Variants in PRKCI observed in about 807,000 individuals in gnomAD.
PRKCI encodes the protein protein kinase C iota.
In PRKCI, 43 loss-of-function variants were observed where a neutral mutation model predicts 84.0. The ratio of observed to expected loss-of-function variants is 0.51; its 90% CI spans 0.40 to 0.66. The LOEUF (loss-of-function observed/expected upper bound fraction) is 0.66, where lower values mean the gene tolerates loss of function less well. Ranked by LOEUF, PRKCI falls within the 30% of genes least tolerant of loss-of-function variation. The pLI, the probability that PRKCI is intolerant of heterozygous loss-of-function variation, is 0.00. For missense variants in PRKCI, 459 were observed against 745.6 expected, an observed-to-expected ratio of 0.62 and a Z score of 4.48; for synonymous variants, 216 against 234.4, an observed-to-expected ratio of 0.92 and a Z score of 0.72.
rs113857684 is a variant in PRKCI at position 170,222,446 on chromosome 3, C to T, written c.-224C>T. 4.4e-6 allele frequency: 2 copies of T among 451,522 alleles called. No homozygotes were observed. Among genetic ancestry groups the T allele is most frequent in the Non-Finnish European group, 7.7e-6 (2 of 259,870 alleles). 28.0% of individuals were successfully genotyped at this position (451,522 alleles called of 1,614,324 possible). On this transcript the variant is annotated 5_prime_UTR_variant, in exon 1 of 18. Transcript: ENST00000295797. ...ACCGACGCAGGAGGTGTCTTGGGCC[C>T]GGGCGGCTGTAGAGGCGGCGGCGCC...
chr3:170,287,855 G>A (rs1560183919), intron 12 of PRKCI, among the ~76,000 whole-genome samples: 2 of 147,598 alleles, frequency 1.4e-5, no homozygotes, highest in Admixed American at 6.8e-5. Flanking sequence ...GTTGCAGTGA[G>A]TGGAGATTGT....
intron 1 of PRKCI, among the ~76,000 whole-genome samples, chr3:170,223,253 TC>T (rs1560163019): frequency 6.6e-6 from 1 of 152,182 alleles, no homozygotes; most frequent in African/African-American, 2.4e-5. Context: ...TATACCTCCA[TC>T]CCCGTTGTGT....
At chr3:170,239,591 T>C (rs1181705458) in intron 2 of PRKCI, among the ~76,000 whole-genome samples, 1 of 152,190 alleles carries the variant, frequency 6.6e-6, no homozygotes, top group African/African-American at 2.4e-5. Context: ...CTTTGTATTA[T>C]CCTTGCCTGG....
intron 12 of PRKCI, 166 bp from the exon 13 acceptor site, chr3:170,291,688 C>G: frequency 7.1e-6 from 4 of 565,524 alleles, no homozygotes; most frequent in Non-Finnish European, 1.3e-5. Flanking sequence ...CAGAGCAAGA[C>G]CCTGTCAAAA....
intron 2 of PRKCI, among the ~76,000 whole-genome samples, chr3:170,252,882 C>T (rs912936709): frequency 6.6e-6 from 1 of 152,142 alleles, no homozygotes; most frequent in East Asian, 1.9e-4. Context: ...CACTATCGTT[C>T]CCAGCTTCTG....
chr3:170,232,079 T>G (rs1473730713), intron 1 of PRKCI, among the ~76,000 whole-genome samples: 3 of 152,044 alleles, frequency 2.0e-5, no homozygotes, highest in Non-Finnish European at 2.9e-5. Flanking sequence ...TGAGGCACAT[T>G]TCTACTCTGT....
chr3:170,234,900 TC>T (rs1033592565), intron 1 of PRKCI, among the ~76,000 whole-genome samples: 2 of 151,614 alleles, frequency 1.3e-5, no homozygotes, highest in Non-Finnish European at 2.9e-5. Flanking sequence ...CCTCCCATGT[TC>T]CCCCCCTGAG....
chr3:170,229,785 A>T (rs766540330), intron 1 of PRKCI, among the ~76,000 whole-genome samples: 4 of 152,168 alleles, frequency 2.6e-5, no homozygotes, highest in Non-Finnish European at 5.9e-5. Flanking sequence ...ATTCTTAACA[A>T]CAGGACTAGT....
chr3:170,278,211 G>T (rs1734164309), intron 8 of PRKCI, among the ~76,000 whole-genome samples: 1 of 152,044 alleles, frequency 6.6e-6, no homozygotes, highest in South Asian at 2.1e-4. Context: ...TGCTCCACTT[G>T]ATTCTCTCTT....
At chr3:170,288,729 A>C (rs748298936) in intron 12 of PRKCI, among the ~76,000 whole-genome samples, 4 of 152,118 alleles carry the variant, frequency 2.6e-5, no homozygotes, top group Non-Finnish European at 4.4e-5. Context: ...TGCACTCCAG[A>C]CTGGGCAACA....
intron 12 of PRKCI, chr3:170,291,613 C>G: frequency 5.4e-6 from 2 of 370,688 alleles, no homozygotes; most frequent in South Asian, 6.1e-5. Context: ...ACAAGAATTG[C>G]TTGAACCCAG....
chr3:170,261,775 C>T (rs911752491), intron 3 of PRKCI, among the ~76,000 whole-genome samples: 16 of 152,182 alleles, frequency 1.1e-4, no homozygotes, highest in Non-Finnish European at 1.5e-4. Flanking sequence ...TCAGCCACTA[C>T]GCCTGACCTG....
intron 12 of PRKCI, among the ~76,000 whole-genome samples, chr3:170,290,244 A>G (rs1427401894): frequency 1.3e-5 from 2 of 152,158 alleles, no homozygotes; most frequent in African/African-American, 2.4e-5. Flanking sequence ...AATGCTTACA[A>G]AGTTTTAAAA....
At chr3:170,247,920 T>G (rs1183599403) in intron 2 of PRKCI, among the ~76,000 whole-genome samples, 3 of 151,956 alleles carry the variant, frequency 2.0e-5, no homozygotes, top group African/African-American at 7.3e-5. Context: ...CTTGGAAAAT[T>G]TTTGCAAATC....
chr3:170,299,007 C>T lies in PRKCI; in HGVS notation c.1600C>T (p.Gln534Ter), dbSNP rs1330922659. 1 of 1,611,554 alleles carries T rather than the reference C, an allele frequency of 6.2e-7. No homozygotes were observed. Among genetic ancestry groups the T allele is most frequent in the Non-Finnish European group, 8.5e-7 (1 of 1,178,876 alleles). The change falls in exon 17 of 18, where the codon CAG becomes TAG. Residue 534 changes from glutamine to a stop codon, truncating the protein, a stop_gained. Coordinates refer to ENST00000295797, the MANE Select transcript of PRKCI (RefSeq NM_002740.6). LOFTEE classifies it high-confidence loss of function. ...NVDWDMMEQK[Q>*]VVPPFKPNIS... ...TATGTCTTTTCAGATGGAGCAAAAACAGGTGGTACCTCCCTTTAAACCAAA... is the reference window on the plus strand; with the variant it reads ...TATGTCTTTTCAGATGGAGCAAAAATAGGTGGTACCTCCCTTTAAACCAAA...
At chr3:170,267,777 A>G in intron 4 of PRKCI, 138 bp from the exon 5 acceptor site, 1 of 488,076 alleles carries the variant, frequency 2.0e-6, no homozygotes, top group East Asian at 3.6e-5. Flanking sequence ...AATCTATTTT[A>G]TTTTTTGACG....
At chr3:170,252,213 CAAAA>C (rs558708183) in intron 2 of PRKCI, among the ~76,000 whole-genome samples, 1 of 118,822 alleles carries the variant, frequency 8.4e-6, no homozygotes, top group Non-Finnish European at 1.9e-5. Context: ...GACTCCGTCT[CAAAA>C]AAAAAAAAAA....
chr3:170,287,567 A>T (rs969319783), intron 12 of PRKCI, among the ~76,000 whole-genome samples: 2 of 151,970 alleles, frequency 1.3e-5, no homozygotes, highest in Non-Finnish European at 2.9e-5. Flanking sequence ...ATAACATTTT[A>T]AAATGTTATT....
chr3:170,289,954 T>G (rs148145426), intron 12 of PRKCI, among the ~76,000 whole-genome samples: 2 of 151,872 alleles, frequency 1.3e-5, no homozygotes, highest in East Asian at 3.9e-4. Context: ...GCACCTGTAA[T>G]CCCAGCTACT....
Sources: gnomAD v4.1 joint callset for allele counts (sites outside exome capture counted in the v4.1 genomes callset) on GRCh38, gnomAD v4.1.1 for gene constraint, MANE v1.5 for transcripts, NCBI Gene and HGNC (gene_info 2026-07-23, HGNC 2026-07-21) for gene names.